TANK: variants seen among roughly 807,000 people sequenced by gnomAD.
TANK encodes TRAF family member-associated NF-kappa-B activator.
Under a neutral mutation model 43.6 loss-of-function variants are expected in TANK, and 15 were observed. The observed-to-expected ratio is 0.34, with a 90% CI of 0.23 to 0.53. The LOEUF (loss-of-function observed/expected upper bound fraction) is 0.53. TANK is among the 20% of genes least tolerant of loss of function. TANK has a pLI of 0.94. For missense variants in TANK, 417 were observed against 498.6 expected, an observed-to-expected ratio of 0.84 and a Z score of 1.56; for synonymous variants, 162 against 178.2, an observed-to-expected ratio of 0.91 and a Z score of 0.73.
At chr2:161,137,235 A>G in intron 1 of TANK, 1 of 985,378 alleles carries the variant, frequency 1.0e-6, no homozygotes, top group Non-Finnish European at 1.2e-6. Flanking sequence ...TTTGGCCTTT[A>G]AAAAATGGCT....
intron 4 of TANK, 105 bp downstream of exon 4, chr2:161,204,898 C>G: frequency 6.6e-7 from 1 of 1,516,328 alleles, no homozygotes; most frequent in Non-Finnish European, 8.8e-7. Context: ...AACAGAAGTT[C>G]CATATATACA....
intron 1 of TANK, chr2:161,162,905 G>A (rs1684509934): frequency 6.6e-6 from 1 of 152,076 alleles, no homozygotes; most frequent in African/African-American, 2.4e-5. Flanking sequence ...ATGGCTTTTT[G>A]ACATCTATCA....
At chr2:161,188,864 C>A (rs189332590) in intron 2 of TANK, among the ~76,000 whole-genome samples, 1 of 152,146 alleles carries the variant, frequency 6.6e-6, no homozygotes, top group African/African-American at 2.4e-5. Flanking sequence ...GTCTCTGCCC[C>A]CCATGGGCAT....
intron 1 of TANK, among the ~76,000 whole-genome samples, chr2:161,163,945 C>T (rs1558967133): frequency 6.6e-6 from 1 of 152,138 alleles, no homozygotes; most frequent in Non-Finnish European, 1.5e-5. Context: ...GCTTTTTGAT[C>T]ACCTTCAAGA....
chr2:161,234,264 G>A (rs1423251366), intron 7 of TANK, among the ~76,000 whole-genome samples: 1 of 152,168 alleles, frequency 6.6e-6, no homozygotes, highest in African/African-American at 2.4e-5. Flanking sequence ...AGTAACACTT[G>A]TCAGGTGCTA....
intron 4 of TANK, among the ~76,000 whole-genome samples, chr2:161,217,590 T>A (rs376683420): frequency 1.9e-4 from 26 of 140,222 alleles, no homozygotes; most frequent in African/African-American, 7.3e-4. Flanking sequence ...TTGGTTTGTG[T>A]GTGTGTGTGT....
At chr2:161,188,026 A>G (rs1452427316) in intron 2 of TANK, among the ~76,000 whole-genome samples, 1 of 152,204 alleles carries the variant, frequency 6.6e-6, no homozygotes, top group African/African-American at 2.4e-5. Context: ...ATGTAAATAC[A>G]AAGTACCAAA....
intron 4 of TANK, among the ~76,000 whole-genome samples, chr2:161,211,577 TG>T (rs944169167): frequency 6.6e-6 from 1 of 152,220 alleles, no homozygotes; most frequent in Admixed American, 6.5e-5. Context: ...GTGATTTCTA[TG>T]GAAAAGCCAA....
At chr2:161,181,656 A>G (rs779294443) in intron 2 of TANK, among the ~76,000 whole-genome samples, 2 of 152,166 alleles carry the variant, frequency 1.3e-5, no homozygotes, top group South Asian at 2.1e-4. Flanking sequence ...ATCAAATCTC[A>G]TGAGAACTCA....
chr2:161,225,077 A>G (rs993709907), intron 6 of TANK, among the ~76,000 whole-genome samples: 5 of 152,184 alleles, frequency 3.3e-5, no homozygotes, highest in Admixed American at 6.5e-5. Flanking sequence ...TTTTTGGGGG[A>G]CCTTATTAAA....
At chr2:161,235,046 CTGT>C (rs1688113940) in intron 7 of TANK, among the ~76,000 whole-genome samples, 1 of 148,112 alleles carries the variant, frequency 6.8e-6, no homozygotes, top group Non-Finnish European at 1.5e-5. Context: ...AAAACTACTG[CTGT>C]TGTGATCGAG....
chr2:161,210,577 AT>A, intron 4 of TANK, among the ~76,000 whole-genome samples: 1 of 152,174 alleles, frequency 6.6e-6, no homozygotes, highest in Non-Finnish European at 1.5e-5. Context: ...GGCACCTGTA[AT>A]CCCAGCCACT....
intron 7 of TANK, among the ~76,000 whole-genome samples, chr2:161,233,229 A>T (rs541855859): frequency 6.6e-6 from 1 of 152,074 alleles, no homozygotes; most frequent in Admixed American, 6.5e-5. Flanking sequence ...ACAAATACGT[A>T]TAGTTATATA....
At chr2:161,137,677 C>T (rs924528000) in intron 1 of TANK, among the ~76,000 whole-genome samples, 2 of 151,916 alleles carry the variant, frequency 1.3e-5, no homozygotes, top group African/African-American at 4.8e-5. Context: ...TGTGTCTATA[C>T]AAACATTAAC....
intron 1 of TANK, among the ~76,000 whole-genome samples, chr2:161,146,246 G>A (rs1683908045): frequency 6.6e-6 from 1 of 152,008 alleles, no homozygotes; most frequent in African/African-American, 2.4e-5. Context: ...AAGCTTCTTA[G>A]CTTCTTTGCA....
At chr2:161,177,091 T>C (rs892251835) in intron 1 of TANK, among the ~76,000 whole-genome samples, 1 of 152,180 alleles carries the variant, frequency 6.6e-6, no homozygotes, top group Non-Finnish European at 1.5e-5. Flanking sequence ...TTATTAATGC[T>C]AACTGCTTAT....
At chr2:161,140,591 T>C (rs1683717436) in intron 1 of TANK, among the ~76,000 whole-genome samples, 1 of 152,058 alleles carries the variant, frequency 6.6e-6, no homozygotes. Context: ...TCTCAATGCC[T>C]TTTTTAGACT....
In TANK at chr2:161,164,275, A is replaced by G. The variant is rs746857195; in HGVS notation, c.-50+3789A>G. ...TTACTGTTTATCCTTTTTGTTTTCTAACACCTTATAAGCATAAAATATTAC... is the reference window on the plus strand; with the variant it reads ...TTACTGTTTATCCTTTTTGTTTTCTGACACCTTATAAGCATAAAATATTAC... On this transcript the variant is annotated intron_variant, in intron 1 of 7. Transcript: ENST00000392749. Among the ~76,000 whole-genome samples the G allele has an allele frequency of 1.7e-4, 26 of 152,304 alleles. 1 individual carries two copies. Among genetic ancestry groups the G allele is most frequent in the Middle Eastern group, 6.8e-3 (2 of 294 alleles).
At chr2:161,201,390 G>A (rs1449477751) in intron 2 of TANK, 1 of 528,248 alleles carries the variant, frequency 1.9e-6, no homozygotes, top group Non-Finnish European at 2.4e-6. Context: ...TTTCTGAGTT[G>A]GTTTCAAAAG....
Sources: allele counts gnomAD v4.1 joint callset (sites outside exome capture counted in the v4.1 genomes callset), GRCh38; gene constraint gnomAD v4.1.1; transcripts MANE v1.5; gene names NCBI Gene and HGNC (gene_info 2026-07-23, HGNC 2026-07-21).